LAMC1: variants seen among roughly 807,000 people sequenced by gnomAD.
The protein encoded by LAMC1 is laminin subunit gamma 1.
LAMC1 carries 38 observed loss-of-function variants against 173.6 expected under a neutral mutation model. That is an observed-to-expected ratio of 0.22 (90% CI 0.17 to 0.29). The LOEUF (loss-of-function observed/expected upper bound fraction) is 0.29. LAMC1 is among the 10% of genes least tolerant of loss of function. LAMC1 has a pLI of 1.00. For synonymous variants in LAMC1, 746 were observed against 749.1 expected, an observed-to-expected ratio of 1.00 and a Z score of 0.07; for missense variants, 1,824 against 2,051.8, an observed-to-expected ratio of 0.89 and a Z score of 2.14.
intron 13 of LAMC1, among the ~76,000 whole-genome samples, chr1:183,124,024 C>T (rs1288132759): frequency 6.6e-6 from 1 of 152,180 alleles, no homozygotes; most frequent in Non-Finnish European, 1.5e-5. Context: ...CTCTCCCTCT[C>T]TACCTGTCAC....
intron 27 of LAMC1, chr1:183,141,363 A>G (rs1163095260): frequency 6.6e-6 from 1 of 152,256 alleles, no homozygotes; most frequent in African/African-American, 2.4e-5. Context: ...ACTGCCTGGA[A>G]TTCTCTTCAT....
Position 183,128,599 on chromosome 1 carries a change from T to G in LAMC1, c.3129T>G (p.Ala1043=), listed in dbSNP as rs778190343. The change falls in exon 18 of 28, where the codon GCT becomes GCG. Residue 1043 remains alanine (A), a synonymous_variant. Coordinates refer to ENST00000258341, the MANE Select transcript of LAMC1 (RefSeq NM_002293.4). The part of the protein sequence containing the change: ...ACYRLVKDKV[A]DHRVKLQELE... ...TCTTTCTTCTTTATGTTTAGGTTGC[T>G]GATCATAGAGTGAAGCTCCAGGAAT... The G allele has an allele frequency of 1.2e-6, 2 of 1,606,358 alleles. No individual in the cohort carries two copies. The highest frequency in any genetic ancestry group is 1.3e-5 in the African/African-American group (1 of 74,974).
intron 19 of LAMC1, 89 bp from the exon 20 acceptor site, chr1:183,131,210 C>A: frequency 2.6e-6 from 2 of 783,442 alleles, no homozygotes; most frequent in South Asian, 1.7e-5. Flanking sequence ...ATTCTTTTTG[C>A]CCTCTAACAA....
intron 1 of LAMC1, among the ~76,000 whole-genome samples, chr1:183,075,687 C>CA (rs1655107252): frequency 6.6e-6 from 1 of 152,126 alleles, no homozygotes; most frequent in African/African-American, 2.4e-5. Context: ...CTTGTTTACT[C>CA]ATTTTGGATA....
At chr1:183,115,276 AAC>A (rs1476057360) in intron 5 of LAMC1, among the ~76,000 whole-genome samples, 3 of 152,162 alleles carry the variant, frequency 2.0e-5, no homozygotes, top group Admixed American at 6.5e-5. Flanking sequence ...AGTGATTTTC[AAC>A]ATTGATGAGT....
chr1:183,133,520 G>A lies in LAMC1; in HGVS notation c.3819G>A (p.Gln1273=). 1 of 1,613,574 alleles carries A rather than the reference G, an allele frequency of 6.2e-7. No individual in the cohort carries two copies. The highest frequency in any genetic ancestry group is 1.1e-5 in the South Asian group (1 of 91,010). Residue 1273 remains glutamine, a synonymous_variant, in exon 22 of 28, where the codon CAG becomes CAA. Coordinates refer to ENST00000258341, the MANE Select transcript of LAMC1 (RefSeq NM_002293.4). ...TGGAGATCTATGCCAGCGTGGCTCA[G>A]CTGAGCCCTTTGGACTCTGAGACAC... ...KAVEIYASVA[Q]LSPLDSETLE...
chr1:183,130,277 G>A, intron 18 of LAMC1, 67 bp from the exon 19 acceptor site: 1 of 1,385,294 alleles, frequency 7.2e-7, no homozygotes, highest in Non-Finnish European at 1.0e-6. Flanking sequence ...TAGGGCCTCA[G>A]ATTTCATGTG....
At chr1:183,104,713 A>G (rs140952137) in intron 2 of LAMC1, among the ~76,000 whole-genome samples, 116 of 152,164 alleles carry the variant, frequency 7.6e-4, no homozygotes, top group African/African-American at 2.7e-3. Context: ...ATAAGAATAT[A>G]TTTTTCTGTG....
Position 183,143,147 on chromosome 1 carries a change from T to A in LAMC1, c.*357T>A. 5.3e-6 allele frequency: 1 copy of A among 190,142 alleles called. No homozygotes were observed. The highest frequency in any genetic ancestry group is 1.1e-5 in the Non-Finnish European group (1 of 90,500). 11.8% of individuals were successfully genotyped at this position (190,142 alleles called of 1,614,324 possible). On this transcript the variant is annotated 3_prime_UTR_variant, in exon 28 of 28. Coordinates refer to ENST00000258341, the MANE Select transcript of LAMC1 (RefSeq NM_002293.4). Reference sequence around the variant, plus strand: ...GAGCAAGTAGCCCTCCCCTGTCTCATCGATACCAGCAGAACCTCCTCAGTC... The same window carrying A: ...GAGCAAGTAGCCCTCCCCTGTCTCAACGATACCAGCAGAACCTCCTCAGTC...
At chr1:183,104,130 G>T (rs1295175952) in intron 2 of LAMC1, among the ~76,000 whole-genome samples, 1 of 152,106 alleles carries the variant, frequency 6.6e-6, no homozygotes, top group Non-Finnish European at 1.5e-5. Flanking sequence ...ATTTTGATTA[G>T]ATTTGTCTGG....
Position 183,114,432 on chromosome 1 carries a change from T to G in LAMC1, c.1022-99T>G, listed in dbSNP as rs185929803. ...CATTCTTAGTCTACCACCATCTGTCTGTCTCAGAGATGTGGGAAATTATGT... is the reference window on the plus strand; with the variant it reads ...CATTCTTAGTCTACCACCATCTGTCGGTCTCAGAGATGTGGGAAATTATGT... On this transcript the variant is annotated intron_variant, in intron 4 of 27. Transcript: ENST00000258341. 2.3e-4 allele frequency: 263 copies of G among 1,165,818 alleles called. No individual in the cohort carries two copies. In the African/African-American group the frequency reaches 3.7e-3, roughly 16 times the overall value. The allele number at this position is 1,165,818 out of a possible 1,614,324, so 72.2% of individuals were successfully genotyped here.
intron 1 of LAMC1, among the ~76,000 whole-genome samples, chr1:183,060,544 C>T (rs992524516): frequency 2.0e-5 from 3 of 152,192 alleles, no homozygotes; most frequent in Non-Finnish European, 2.9e-5. Context: ...TGACTCACTA[C>T]GCCTATTGTG....
intron 1 of LAMC1, among the ~76,000 whole-genome samples, chr1:183,030,605 TGTA>T (rs1294106338): frequency 1.3e-5 from 2 of 152,200 alleles, no homozygotes; most frequent in Admixed American, 1.3e-4. Flanking sequence ...TAATATTAAA[TGTA>T]GTATGTGGTT....
Position 183,132,453 on chromosome 1 carries a change from C to T in LAMC1, c.3620C>T (p.Thr1207Met), listed in dbSNP as rs1401962127. The T allele has an allele frequency of 2.5e-6, 4 of 1,612,794 alleles. No individual in the cohort carries two copies. The highest frequency in any genetic ancestry group is 1.7e-6 in the Non-Finnish European group (2 of 1,178,888). ...CGAGTGGCAAAGACAGCCAATGATACGTCAACTGAGGCATACAACCTGCTT... is the reference window on the plus strand; with the variant it reads ...CGAGTGGCAAAGACAGCCAATGATATGTCAACTGAGGCATACAACCTGCTT... ...IVRVAKTAND[T>M]STEAYNLLLR... Residue 1207 changes from threonine (T) to methionine (M), a missense_variant, in exon 21 of 28, where the codon ACG (threonine) becomes ATG (methionine). Thr to Met is a moderately conservative substitution (Grantham distance 81, BLOSUM62 -1). Transcript: ENST00000258341.
rs937479144 is a variant in LAMC1, at chr1:183,128,581, T to A, written c.3124-13T>A. On this transcript the variant is annotated splice_polypyrimidine_tract_variant and intron_variant, in intron 17 of 27. Transcript: ENST00000258341. ...TGTCCTACCTTTCCCTTTTCTTTCT[T>A]CTTTATGTTTAGGTTGCTGATCATA... 5.0e-6 allele frequency: 8 copies of A among 1,599,202 alleles called. No homozygotes were observed. The highest frequency in any genetic ancestry group is 6.0e-6 in the Non-Finnish European group (7 of 1,171,016).
At chr1:183,112,048 A>G (rs1656173959) in intron 4 of LAMC1, among the ~76,000 whole-genome samples, 1 of 152,140 alleles carries the variant, frequency 6.6e-6, no homozygotes, top group Non-Finnish European at 1.5e-5. Flanking sequence ...CAAAAAACAA[A>G]AACAAACAAA....
At chr1:183,068,233 TG>T (rs146820256) in intron 1 of LAMC1, among the ~76,000 whole-genome samples, 327 of 152,136 alleles carry the variant, frequency 2.1e-3, no homozygotes, top group African/African-American at 2.6e-3. Context: ...CATTTTGTAT[TG>T]TTTTTTTTTG....
chr1:183,121,691 T>C, intron 11 of LAMC1, 32 bp from the exon 12 acceptor site: 1 of 1,573,848 alleles, frequency 6.4e-7, no homozygotes, highest in Non-Finnish European at 8.7e-7. Flanking sequence ...AACAAGCCAG[T>C]TCAGTGATTT....
At chr1:183,054,503 G>T (rs968757642) in intron 1 of LAMC1, among the ~76,000 whole-genome samples, 1 of 152,084 alleles carries the variant, frequency 6.6e-6, no homozygotes, top group Non-Finnish European at 1.5e-5. Flanking sequence ...TATTCTAATG[G>T]CAACGATACT....
Sources: gnomAD v4.1 joint callset for allele counts (sites outside exome capture counted in the v4.1 genomes callset) on GRCh38, gnomAD v4.1.1 for gene constraint, MANE v1.5 for transcripts, NCBI Gene and HGNC (gene_info 2026-07-23, HGNC 2026-07-21) for gene names.